CFAP20DC: variants seen among roughly 807,000 people sequenced by gnomAD.
CFAP20DC encodes CFAP20 domain containing, also known as protein CFAP20DC.
CFAP20DC carries 84 observed loss-of-function variants against 101.7 expected under a neutral mutation model. The observed-to-expected ratio is 0.83, with a 90% CI of 0.69 to 0.99. The LOEUF is 0.99. Among genes scored for constraint, CFAP20DC ranks in the 50% least tolerant of loss-of-function variants. The pLI is 0.00. For synonymous variants in CFAP20DC, 359 were observed against 351.2 expected, an observed-to-expected ratio of 1.02 and a Z score of -0.25; for missense variants, 1,007 against 970.3, an observed-to-expected ratio of 1.04 and a Z score of -0.50.
intron 14 of CFAP20DC, among the ~76,000 whole-genome samples, chr3:58,816,410 G>T (rs2075143273): frequency 6.6e-6 from 1 of 152,192 alleles, no homozygotes; most frequent in South Asian, 2.1e-4. Context: ...GTGCCAGACA[G>T]TGGGCACAGG....
Position 58,899,370 on chromosome 3 carries a change from C to T in CFAP20DC, c.550+14338G>A, listed in dbSNP as rs2082946403. On this transcript the variant is annotated intron_variant, in intron 6 of 16. Transcript: ENST00000482387. The surrounding 1 kb of genome is among the most constrained non-coding windows in gnomAD (Gnocchi z 5.0). Reference sequence around the variant, plus strand: ...TCCTTCTCAGGCAGACTCAAGCCTGCTGCTGCTGACTGGCTGGAATTTGCC... The same window carrying T: ...TCCTTCTCAGGCAGACTCAAGCCTGTTGCTGCTGACTGGCTGGAATTTGCC... 6.6e-6 allele frequency among the ~76,000 whole-genome samples: 1 copy of T among 152,210 alleles called. No individual in the cohort carries two copies. Among genetic ancestry groups the T allele is most frequent in the African/African-American group, 2.4e-5 (1 of 41,460 alleles).
chr3:58,952,577 T>C (rs1339437741), intron 4 of CFAP20DC, among the ~76,000 whole-genome samples: 1 of 152,184 alleles, frequency 6.6e-6, no homozygotes, highest in Non-Finnish European at 1.5e-5. Context: ...GGCTCATAGA[T>C]GCCTATGTAA....
rs552220193 is a variant in CFAP20DC at position 58,894,231 on chromosome 3, C to T, written c.551-9522G>A. On this transcript the variant is annotated intron_variant, in intron 6 of 16. Transcript: ENST00000482387. This position sits in a 1 kb window ranked among gnomAD's most constrained non-coding sequence, Gnocchi z 4.1. ...CAATTATGCCTTCCCAACAGTCCCCCGAAGTCTTAACTCATTTCAGCATTA... is the reference window on the plus strand; with the variant it reads ...CAATTATGCCTTCCCAACAGTCCCCTGAAGTCTTAACTCATTTCAGCATTA... 2.1e-4 allele frequency among the ~76,000 whole-genome samples: 32 copies of T among 152,238 alleles called. 1 individual carries two copies. Among genetic ancestry groups the T allele is most frequent in the African/African-American group, 7.2e-4 (30 of 41,546 alleles).
chr3:58,903,758 A>T (rs1237147186), intron 6 of CFAP20DC, among the ~76,000 whole-genome samples: 1 of 152,140 alleles, frequency 6.6e-6, no homozygotes, highest in African/African-American at 2.4e-5. Context: ...CCACCACAAC[A>T]CATGGGGATT....
chr3:58,786,443 A>C (rs970321896), intron 15 of CFAP20DC, among the ~76,000 whole-genome samples: 2 of 152,124 alleles, frequency 1.3e-5, no homozygotes, highest in Non-Finnish European at 2.9e-5. Flanking sequence ...TCATGGTCCA[A>C]AAATATTAAA....
At chr3:59,039,512 T>C (rs1422414279) in intron 4 of CFAP20DC, 45 bp downstream of exon 4, 5 of 1,163,830 alleles carry the variant, frequency 4.3e-6, no homozygotes, top group Non-Finnish European at 6.1e-6. Flanking sequence ...ATTGATCAAA[T>C]GTCTAATACA....
chr3:58,812,613 A>G (rs2074752864), intron 14 of CFAP20DC, among the ~76,000 whole-genome samples: 1 of 151,700 alleles, frequency 6.6e-6, no homozygotes, highest in Non-Finnish European at 1.5e-5. Flanking sequence ...CTAAATGACG[A>G]GTTAATGGGT....
At chr3:58,917,284 T>C (rs904502290) in intron 5 of CFAP20DC, among the ~76,000 whole-genome samples, 11 of 152,148 alleles carry the variant, frequency 7.2e-5, no homozygotes, top group African/African-American at 2.7e-4. Flanking sequence ...GCAAATTCTG[T>C]GAACACACAC....
intron 15 of CFAP20DC, among the ~76,000 whole-genome samples, chr3:58,793,727 G>C (rs1349881570): frequency 6.6e-6 from 1 of 152,142 alleles, no homozygotes; most frequent in African/African-American, 2.4e-5. Context: ...AACAAAAAAT[G>C]TAGTTTCATT....
At position 58,860,206 on chromosome 3, in the gene CFAP20DC, GA is replaced by G. The variant is rs1240939381; in HGVS notation, c.1593+3351del. The stretch of plus-strand genomic sequence containing the variant: ...AAAAAAAAAAAAAAGAAAGAAAAAA[GA>G]AAAAAAAATCATTACTCAAGTATGT... On this transcript the variant is annotated intron_variant, in intron 12 of 16. Coordinates refer to ENST00000482387, the MANE Select transcript of CFAP20DC (RefSeq NM_001394063.1). Among the ~76,000 whole-genome samples the G allele has an allele frequency of 3.0e-3, 424 of 140,116 alleles. 5 individuals are homozygous for G. Among genetic ancestry groups the G allele is most frequent in the African/African-American group, 0.011 (405 of 38,156 alleles). 91.9% of individuals were successfully genotyped at this position (140,116 alleles called of 152,430 possible).
At chr3:58,793,551 CA>C (rs1013685197) in intron 15 of CFAP20DC, among the ~76,000 whole-genome samples, 1 of 151,298 alleles carries the variant, frequency 6.6e-6, no homozygotes, top group African/African-American at 2.4e-5. Context: ...GGGCAGATGG[CA>C]AAAAAAACAA....
chr3:58,742,388 A>G lies in CFAP20DC; in HGVS notation c.*72T>C, dbSNP rs990182147. ...GTCACCCAACACATAAGTTGTGGTG[A>G]CTCCTTAAGCGACCCTGAACTGCTA... On this transcript the variant is annotated 3_prime_UTR_variant, in exon 17 of 17. Transcript: ENST00000482387. The G allele has an allele frequency of 1.4e-5, 20 of 1,383,762 alleles. No individual in the cohort carries two copies. Among genetic ancestry groups the G allele is most frequent in the Non-Finnish European group, 1.8e-5 (19 of 1,059,732 alleles). 85.7% of individuals were successfully genotyped at this position (1,383,762 alleles called of 1,614,324 possible).
chr3:59,045,263 A>T (rs965296082), intron 3 of CFAP20DC, among the ~76,000 whole-genome samples: 6 of 152,076 alleles, frequency 3.9e-5, no homozygotes, highest in Admixed American at 3.9e-4. Context: ...ATAAGTTTAG[A>T]AAACTGAATT....
intron 3 of CFAP20DC, among the ~76,000 whole-genome samples, chr3:58,733,475 T>C (rs1476165849): frequency 6.6e-6 from 1 of 152,222 alleles, no homozygotes; most frequent in East Asian, 1.9e-4. Flanking sequence ...TGAGGTGATT[T>C]GGAATAATCC....
intron 16 of CFAP20DC, among the ~76,000 whole-genome samples, chr3:58,753,338 C>A (rs2068703439): frequency 6.6e-6 from 1 of 152,142 alleles, no homozygotes. Context: ...ATTTGGTAGG[C>A]ACTATTCTAA....
chr3:58,877,275 A>C (rs866261796), intron 7 of CFAP20DC, among the ~76,000 whole-genome samples: 54 of 152,190 alleles, frequency 3.5e-4, no homozygotes, highest in African/African-American at 1.2e-3. Flanking sequence ...GGACACAGCC[A>C]CCTCCTTCAA....
At chr3:58,759,741 C>T (rs113953570) in intron 15 of CFAP20DC, among the ~76,000 whole-genome samples, 3 of 152,306 alleles carry the variant, frequency 2.0e-5, no homozygotes, top group African/African-American at 7.2e-5. Flanking sequence ...CCAATTTCAG[C>T]TTTCTACATA....
intron 14 of CFAP20DC, among the ~76,000 whole-genome samples, chr3:58,818,143 C>T (rs1490439335): frequency 2.0e-5 from 3 of 150,922 alleles, no homozygotes; most frequent in African/African-American, 7.3e-5. Flanking sequence ...GAAGGAAGCG[C>T]TAAACATGGA....
At chr3:58,782,789 C>T (rs749370815) in intron 15 of CFAP20DC, among the ~76,000 whole-genome samples, 2 of 151,768 alleles carry the variant, frequency 1.3e-5, no homozygotes, top group Non-Finnish European at 2.9e-5. Context: ...GAAAGACAGC[C>T]CATGATCATG....
Sources: gnomAD v4.1 joint callset for allele counts (sites outside exome capture counted in the v4.1 genomes callset) on GRCh38, gnomAD v4.1.1 for gene constraint, Gnocchi (gnomAD v3.1) non-coding constraint, MANE v1.5 for transcripts, NCBI Gene and HGNC (gene_info 2026-07-23, HGNC 2026-07-21) for gene names.